Variants in CIT observed in about 807,000 individuals in gnomAD.
The protein encoded by CIT is citron rho-interacting serine/threonine kinase, also known as citron Rho-interacting kinase.
CIT carries 79 observed loss-of-function variants against 272.7 expected under a neutral mutation model. That is an observed-to-expected ratio of 0.29 (90% CI 0.24 to 0.35). The LOEUF is 0.35. CIT is among the 10% of genes least tolerant of loss of function. The pLI, the probability that CIT is intolerant of heterozygous loss-of-function variation, is 1.00. For missense variants in CIT, 1,909 were observed against 2,618.3 expected (o/e 0.73, Z 5.91); for synonymous variants, 948 against 995.6 (o/e 0.95, Z 0.90).
Position 119,721,382 on chromosome 12 carries a change from T to C in CIT, c.3659A>G (p.Gln1220Arg). ...TAGATCAGCCCGATCTAGAGCTTCT[T>C]GCAGTCCTTGAGTCAGACGGAAAAT... ...NHIFRLTQGL[Q>R]EALDRADLLK... Residue 1220 changes from glutamine (Q) to arginine (R), a missense_variant, in exon 29 of 48, where the codon CAA becomes CGA. This residue lies in a region of CIT where 530 missense variants were observed against 822.4 expected (regional missense o/e 0.64). Coordinates refer to ENST00000392521, the MANE Select transcript of CIT (RefSeq NM_001206999.2). 1 of 1,612,264 alleles carries C rather than the reference T, an allele frequency of 6.2e-7. No homozygotes were observed. Among genetic ancestry groups the C allele is most frequent in the Non-Finnish European group, 8.5e-7 (1 of 1,178,372 alleles).
chr12:119,724,930 C>CAAA lies in CIT; in HGVS notation c.3592-3484_3592-3482dup, dbSNP rs35757526. Among the ~76,000 whole-genome samples the CAAA allele has an allele frequency of 1.0e-3, 46 of 44,544 alleles. 4 individuals are homozygous for CAAA. The highest frequency in any genetic ancestry group is 1.7e-3 in the Admixed American group (5 of 2,914). 29.2% of individuals were successfully genotyped at this position (44,544 alleles called of 152,430 possible). On this transcript the variant is annotated intron_variant, in intron 28 of 47. Coordinates refer to ENST00000392521, the MANE Select transcript of CIT (RefSeq NM_001206999.2). ...TGGGCGACAGAGCGAGACTCCATCTCAAAAAAAAAAAAAAAAAAAAAAAAA... is the reference window on the plus strand; with the variant it reads ...TGGGCGACAGAGCGAGACTCCATCTCAAAAAAAAAAAAAAAAAAAAAAAAAAAA...
intron 9 of CIT, among the ~76,000 whole-genome samples, chr12:119,805,076 C>A (rs1205568628): frequency 4.7e-5 from 7 of 149,944 alleles, no homozygotes; most frequent in African/African-American, 4.9e-5. Context: ...TTTTTAATAG[C>A]AAAAAAAAAA....
Position 119,783,947 on chromosome 12 carries a change from G to C in CIT, c.1506C>G (p.Leu502=). ...TGTAGGTAGCAAGGTCCTGCTCCAGGAGGGATCTCTGAGTCTCAGAGGCCT... is the reference window on the plus strand; with the variant it reads ...TGTAGGTAGCAAGGTCCTGCTCCAGCAGGGATCTCTGAGTCTCAGAGGCCT... The part of the protein sequence containing the change: ...ELKASETQRS[L]LEQDLATYIT... The change falls in exon 12 of 48, where the codon CTC becomes CTG. Residue 502 remains leucine (L), a synonymous_variant. Coordinates refer to ENST00000392521, the MANE Select transcript of CIT (RefSeq NM_001206999.2). 8.7e-6 allele frequency: 14 copies of C among 1,611,722 alleles called. No individual in the cohort carries two copies. Among genetic ancestry groups the C allele is most frequent in the Non-Finnish European group, 1.2e-5 (14 of 1,178,822 alleles).
rs112516620 is a variant in CIT at position 119,700,435 on chromosome 12, T to G, written c.5623+310A>C. Among the ~76,000 whole-genome samples, 112 of 152,260 alleles carry G rather than the reference T, an allele frequency of 7.4e-4. 1 individual carries two copies. Among genetic ancestry groups the G allele is most frequent in the African/African-American group, 2.4e-3 (100 of 41,540 alleles). On this transcript the variant is annotated intron_variant, in intron 44 of 47. Coordinates refer to ENST00000392521, the MANE Select transcript of CIT (RefSeq NM_001206999.2). Reference sequence around the variant, plus strand: ...TCTCGCTTTGTCACCCAGGCTGGAGTGCAGTGGTGTGATCTCAGCTCACTG... The same window carrying G: ...TCTCGCTTTGTCACCCAGGCTGGAGGGCAGTGGTGTGATCTCAGCTCACTG...
rs1000588769 is a variant in CIT at position 119,697,801 on chromosome 12, G to A, written c.5740C>T (p.Arg1914Cys). ...GAGGAAATGGCAGGGCCCAGGTAGC[G>A]CGGGTTCGGGATGTCCAGGTACGCT... The part of the protein sequence containing the change: ...ARAYLDIPNP[R>C]YLGPAISSGA... Residue 1914 changes from arginine to cysteine, a missense_variant, in exon 46 of 48, where the codon CGC (arginine) becomes TGC (cysteine). Physicochemically the swap from Arg to Cys is radical, Grantham distance 180 (BLOSUM62 -3). Around this residue, in one of 8 missense-constraint regions of CIT, gnomAD observed 780 missense variants for 1,067.2 expected, o/e 0.73. Coordinates refer to ENST00000392521, the MANE Select transcript of CIT (RefSeq NM_001206999.2). The surrounding 1 kb of genome is among the most constrained non-coding windows in gnomAD (Gnocchi z 4.9). 22 of 1,614,034 alleles carry A rather than the reference G, an allele frequency of 1.4e-5. No individual in the cohort carries two copies. The highest frequency in any genetic ancestry group is 8.9e-5 in the East Asian group (4 of 44,888).
chr12:119,710,712 A>T lies in CIT; in HGVS notation c.4855-92T>A, dbSNP rs1029410281. The T allele has an allele frequency of 2.7e-5, 32 of 1,206,756 alleles. No individual in the cohort carries two copies. The highest frequency in any genetic ancestry group is 3.4e-5 in the Non-Finnish European group (28 of 817,038). 74.8% of individuals were successfully genotyped at this position (1,206,756 alleles called of 1,614,324 possible). On this transcript the variant is annotated intron_variant, in intron 37 of 47. Coordinates refer to ENST00000392521, the MANE Select transcript of CIT (RefSeq NM_001206999.2). This position sits in a 1 kb window ranked among gnomAD's most constrained non-coding sequence, Gnocchi z 5.6. ...ATCCAGAGAAACCAAGAGAAGGTTA[A>T]GGCCAAGTTATTCCTGGAAATGCTC...
chr12:119,849,791 T>C (rs575888200), intron 5 of CIT, among the ~76,000 whole-genome samples: 2 of 152,068 alleles, frequency 1.3e-5, no homozygotes, highest in Admixed American at 6.6e-5. Context: ...GTTCAAGCGA[T>C]TGTCCTGCCT....
chr12:119,750,374 T>A (rs1292878736), intron 23 of CIT, among the ~76,000 whole-genome samples: 13 of 152,206 alleles, frequency 8.5e-5, no homozygotes. Flanking sequence ...TTTTGTTTCT[T>A]ATTTTGTTCT....
chr12:119,753,951 A>C (rs1206384309), intron 22 of CIT, among the ~76,000 whole-genome samples: 1 of 152,202 alleles, frequency 6.6e-6, no homozygotes, highest in Non-Finnish European at 1.5e-5. Flanking sequence ...CTAGTAAGAC[A>C]ATGGGTCAGA....
rs1359994794 is a variant in CIT at position 119,686,800 on chromosome 12, T to C, written c.*1432A>G. On this transcript the variant is annotated 3_prime_UTR_variant, in exon 48 of 48. Coordinates refer to ENST00000392521, the MANE Select transcript of CIT (RefSeq NM_001206999.2). ...ACCAGTTGCCAGGAATTTCGTACTC[T>C]AATAGGAGGGTCCGCAGACCCAGTG... is the stretch of plus-strand genomic sequence containing the variant. 1 of 152,566 alleles carries C rather than the reference T, an allele frequency of 6.6e-6. No homozygotes were observed. Among genetic ancestry groups the C allele is most frequent in the Non-Finnish European group, 1.5e-5 (1 of 68,036 alleles). The allele number at this position is 152,566 out of a possible 1,614,324, so 9.5% of individuals were successfully genotyped here. A position where few individuals can be genotyped will look rare whatever the true frequency, so the allele number is the denominator to read the frequency against.
chr12:119,718,535 G>A lies in CIT; in HGVS notation c.4004-126C>T, dbSNP rs2137121875. On this transcript the variant is annotated intron_variant, in intron 31 of 47. Coordinates refer to ENST00000392521, the MANE Select transcript of CIT (RefSeq NM_001206999.2). This position sits in a 1 kb window ranked among gnomAD's most constrained non-coding sequence, Gnocchi z 4.8. ...AAAGAATATGCGTCACATCAACTTG[G>A]CAATGCACAGGGGCCATACGTTTTT... The A allele has an allele frequency of 7.1e-7, 1 of 1,400,978 alleles. No homozygotes were observed. The highest frequency in any genetic ancestry group is 2.3e-5 in the East Asian group (1 of 43,508). 86.8% of individuals were successfully genotyped at this position (1,400,978 alleles called of 1,614,324 possible).
Position 119,758,593 on chromosome 12 carries a change from G to C in CIT, c.2529C>G (p.Asn843Lys). ...AANSSLFTQR[N>K]MKAQEEMISE... The stretch of plus-strand genomic sequence containing the variant: ...GCAGTTAGAATTTGAATACTTACAT[G>C]TTCCTTTGGGTAAAAAGACTGCTAT... The change falls in exon 21 of 48, where the codon AAC (asparagine) becomes AAG (lysine). Residue 843 changes from asparagine to lysine, a missense_variant and splice_region_variant. Transcript: ENST00000392521. 1 of 1,597,422 alleles carries C rather than the reference G, an allele frequency of 6.3e-7. No individual in the cohort carries two copies. Among genetic ancestry groups the C allele is most frequent in the Non-Finnish European group, 8.6e-7 (1 of 1,164,906 alleles).
chr12:119,712,462 C>T lies in CIT; in HGVS notation c.4685-115G>A. 1 of 1,412,222 alleles carries T rather than the reference C, an allele frequency of 7.1e-7. No individual in the cohort carries two copies. The highest frequency in any genetic ancestry group is 9.8e-7 in the Non-Finnish European group (1 of 1,022,152). 87.5% of individuals were successfully genotyped at this position (1,412,222 alleles called of 1,614,324 possible). Reference sequence around the variant, plus strand: ...AAACCACGCAAATCCCAGTTACCGCCAAGGCGGGGAGCGGAGGAAGATGGG... The same window carrying T: ...AAACCACGCAAATCCCAGTTACCGCTAAGGCGGGGAGCGGAGGAAGATGGG... On this transcript the variant is annotated intron_variant, in intron 36 of 47. Coordinates refer to ENST00000392521, the MANE Select transcript of CIT (RefSeq NM_001206999.2). The surrounding 1 kb of genome is among the most constrained non-coding windows in gnomAD (Gnocchi z 5.2).
intron 3 of CIT, among the ~76,000 whole-genome samples, chr12:119,865,249 G>C (rs533991204): frequency 6.6e-6 from 1 of 152,292 alleles, no homozygotes; most frequent in Admixed American, 6.5e-5. Context: ...ATTCACTGCT[G>C]TTAAGTAACC....
chr12:119,876,846 G>A (rs1172008738), intron 1 of CIT, among the ~76,000 whole-genome samples: 1 of 152,192 alleles, frequency 6.6e-6, no homozygotes, highest in East Asian at 1.9e-4. Flanking sequence ...GGCATCATGA[G>A]GTGATGGGGT....
chr12:119,728,459 A>G lies in CIT; in HGVS notation c.3591+43T>C. ...AAAAAAAGAAGCCTATTAAAAGAAA[A>G]AAAAAATCCACTTGGCCCTTCTCCC... On this transcript the variant is annotated intron_variant, in intron 28 of 47. Transcript: ENST00000392521. This position sits in a 1 kb window ranked among gnomAD's most constrained non-coding sequence, Gnocchi z 4.3. The G allele has an allele frequency of 7.4e-7, 1 of 1,351,660 alleles. No homozygotes were observed. The highest frequency in any genetic ancestry group is 1.0e-6 in the Non-Finnish European group (1 of 967,398). The allele number at this position is 1,351,660 out of a possible 1,614,324, so 83.7% of individuals were successfully genotyped here.
At position 119,772,753 on chromosome 12, in the gene CIT, G is replaced by A. The variant is rs1208555823; in HGVS notation, c.2082+17C>T. 8 of 1,608,364 alleles carry A rather than the reference G, an allele frequency of 5.0e-6. No individual in the cohort carries two copies. Among genetic ancestry groups the A allele is most frequent in the Admixed American group, 3.4e-5 (2 of 59,288 alleles). On this transcript the variant is annotated intron_variant, in intron 17 of 47. Coordinates refer to ENST00000392521, the MANE Select transcript of CIT (RefSeq NM_001206999.2). ...GGCCGAGGCCGCTGGGGCCTGGGCT[G>A]GAGGTTCCCTGCTCACCTCAGCTTC...
At chr12:119,832,654 A>G in intron 7 of CIT, 117 bp downstream of exon 7, 1 of 810,464 alleles carries the variant, frequency 1.2e-6, no homozygotes, top group Admixed American at 2.1e-5. Flanking sequence ...ACCCCCATAC[A>G]CTGCCAAAGG....
chr12:119,808,289 G>T (rs1436035585), intron 9 of CIT, among the ~76,000 whole-genome samples: 1 of 152,174 alleles, frequency 6.6e-6, no homozygotes, highest in Non-Finnish European at 1.5e-5. Context: ...AGCTCCAGCT[G>T]CCTCATTCCC....
Sources: allele counts gnomAD v4.1 joint callset (sites outside exome capture counted in the v4.1 genomes callset), GRCh38; gene constraint gnomAD v4.1.1; regional missense constraint gnomAD v4.1.1; non-coding constraint Gnocchi (gnomAD v3.1); transcripts MANE v1.5; gene names NCBI Gene and HGNC (gene_info 2026-07-23, HGNC 2026-07-21).